Variants in NEDD9 observed in about 807,000 individuals in gnomAD.
NEDD9 encodes the protein neural precursor cell expressed, developmentally down-regulated 9, also known as enhancer of filamentation 1.
NEDD9 carries 26 observed loss-of-function variants against 76.6 expected under a neutral mutation model. The ratio of observed to expected loss-of-function variants is 0.34; its 90% CI spans 0.25 to 0.47. The LOEUF is 0.47. Ranked by LOEUF, NEDD9 falls within the 20% of genes least tolerant of loss-of-function variation. The pLI, the probability that NEDD9 is intolerant of heterozygous loss-of-function variation, is 1.00. For missense variants in NEDD9, 937 were observed against 1,058.5 expected (o/e 0.89, Z 1.59); for synonymous variants, 392 against 414.2 (o/e 0.95, Z 0.65).
At chr6:11,278,854 A>G (rs1277106520) in intron 3 of NEDD9, among the ~76,000 whole-genome samples, 1 of 152,132 alleles carries the variant, frequency 6.6e-6, no homozygotes, top group African/African-American at 2.4e-5. Context: ...CAGGGATTAC[A>G]GATGGACAGG....
In NEDD9 at chr6:11,241,776, C is replaced by T. The variant is rs1413435499; in HGVS notation, c.13-28049G>A. On this transcript the variant is annotated intron_variant, in intron 3 of 3. Coordinates refer to the NEDD9 transcript ENST00000397378. The surrounding 1 kb of genome is among the most constrained non-coding windows in gnomAD (Gnocchi z 4.0). ...CAGCCCTCCAAGAAGGCCTCCCTCC[C>T]GTGCCCCGCTGCCCTCATCAGCTGA... Among the ~76,000 whole-genome samples the T allele has an allele frequency of 3.9e-5, 6 of 152,208 alleles. No homozygotes were observed. Among genetic ancestry groups the T allele is most frequent in the African/African-American group, 7.2e-5 (3 of 41,448 alleles).
At chr6:11,264,222 G>A (rs1760162888) in intron 3 of NEDD9, among the ~76,000 whole-genome samples, 2 of 152,182 alleles carry the variant, frequency 1.3e-5, no homozygotes, top group African/African-American at 2.4e-5. Context: ...GGGCAGTGGC[G>A]AGAGGGGGCC....
chr6:11,255,009 G>A (rs772492486), intron 3 of NEDD9, among the ~76,000 whole-genome samples: 47 of 152,226 alleles, frequency 3.1e-4, no homozygotes, highest in Non-Finnish European at 3.5e-4. Flanking sequence ...GAGCCCCAAA[G>A]GGAAGACTAG....
intron 3 of NEDD9, among the ~76,000 whole-genome samples, chr6:11,249,927 G>T (rs1226473628): frequency 6.6e-6 from 1 of 152,166 alleles, no homozygotes; most frequent in African/African-American, 2.4e-5. Context: ...GGAGATCATG[G>T]TCAAGGGGCC....
chr6:11,275,625 G>A (rs1278917087), intron 3 of NEDD9, among the ~76,000 whole-genome samples: 1 of 151,968 alleles, frequency 6.6e-6, no homozygotes, highest in African/African-American at 2.4e-5. Flanking sequence ...GCTAGTGAAT[G>A]GTCTAGCAAG....
chr6:11,361,474 G>A (rs1242844071), intron 1 of NEDD9, among the ~76,000 whole-genome samples: 1 of 151,994 alleles, frequency 6.6e-6, no homozygotes, highest in South Asian at 2.1e-4. Flanking sequence ...AGGGGCAGGG[G>A]GGAGGTACCA....
At position 11,241,657 on chromosome 6, in the gene NEDD9, C is replaced by A. The variant is rs1471555152; in HGVS notation, c.13-27930G>T. Among the ~76,000 whole-genome samples the A allele has an allele frequency of 6.6e-6, 1 of 152,084 alleles. No individual in the cohort carries two copies. The highest frequency in any genetic ancestry group is 2.4e-5 in the African/African-American group (1 of 41,404). The stretch of plus-strand genomic sequence containing the variant: ...GGGGAGAAGGGAGTGTTTTAAACAC[C>A]AAATGGCCACTAGTAATGCCCAGGG... On this transcript the variant is annotated intron_variant, in intron 3 of 3. Coordinates refer to the NEDD9 transcript ENST00000397378. The surrounding 1 kb of genome is among the most constrained non-coding windows in gnomAD (Gnocchi z 4.0).
At chr6:11,261,574 A>T (rs1430295924) in intron 3 of NEDD9, among the ~76,000 whole-genome samples, 1 of 152,210 alleles carries the variant, frequency 6.6e-6, no homozygotes, top group Non-Finnish European at 1.5e-5. Flanking sequence ...TGGCACAATC[A>T]TTGCTCTCAA....
In NEDD9 at chr6:11,291,715, T is replaced by C. The variant is rs1271379146; in HGVS notation, c.12+14277A>G. On this transcript the variant is annotated intron_variant, in intron 3 of 3. Transcript: ENST00000397378. ...ATAATACTTAACAGATAGGGTTGCA[T>C]AGTTTCAGTGTAACGGTGCCTCTGT... 3.3e-5 allele frequency among the ~76,000 whole-genome samples: 5 copies of C among 152,216 alleles called. No individual in the cohort carries two copies. The East Asian group carries it at 9.6e-4, about 29-fold the overall frequency.
intron 1 of NEDD9, among the ~76,000 whole-genome samples, chr6:11,336,072 T>A (rs1406679251): frequency 6.6e-6 from 1 of 152,196 alleles, no homozygotes; most frequent in Admixed American, 6.5e-5. Flanking sequence ...TTTTCCCTAG[T>A]CACCTCCTCC....
intron 1 of NEDD9, among the ~76,000 whole-genome samples, chr6:11,337,356 T>C (rs1321288505): frequency 6.6e-6 from 1 of 152,186 alleles, no homozygotes; most frequent in Non-Finnish European, 1.5e-5. Context: ...TATACTATAG[T>C]AAAAACAAAC....
At chr6:11,313,255 GTGGA>G (rs1402701223) in intron 2 of NEDD9, among the ~76,000 whole-genome samples, 1 of 152,014 alleles carries the variant, frequency 6.6e-6, no homozygotes, top group African/African-American at 2.4e-5. Flanking sequence ...TAGATGGTGG[GTGGA>G]TGGATGGATG....
intron 1 of NEDD9, among the ~76,000 whole-genome samples, chr6:11,362,039 C>T (rs147028733): frequency 1.3e-5 from 2 of 152,092 alleles, no homozygotes; most frequent in African/African-American, 2.4e-5. Flanking sequence ...CTTGTATCAC[C>T]CCCAAATTTA....
intron 1 of NEDD9, among the ~76,000 whole-genome samples, chr6:11,216,899 CT>C (rs1392981647): frequency 5.3e-5 from 8 of 152,170 alleles, no homozygotes; most frequent in Admixed American, 5.2e-4. Context: ...GAACTGTTAT[CT>C]TAAAGCAGTA....
At chr6:11,270,296 T>G (rs187982029) in intron 3 of NEDD9, among the ~76,000 whole-genome samples, 1 of 152,222 alleles carries the variant, frequency 6.6e-6, no homozygotes, top group East Asian at 1.9e-4. Context: ...AGTGATTAAC[T>G]GTAATTAAAG....
rs753107395 is a variant in NEDD9, at chr6:11,232,525, G to T, written c.-10C>A. 6 of 1,614,098 alleles carry T rather than the reference G, an allele frequency of 3.7e-6. No individual in the cohort carries two copies. Among genetic ancestry groups the T allele is most frequent in the Middle Eastern group, 1.6e-4 (1 of 6,084 alleles). The stretch of plus-strand genomic sequence containing the variant: ...TTACCTTATACTTCATTTCGGCAGC[G>T]GTGGGTTGAGCCGTTTTCCTACACT... On this transcript the variant is annotated 5_prime_UTR_variant, in exon 1 of 7. Transcript: ENST00000379446.
intron 1 of NEDD9, among the ~76,000 whole-genome samples, chr6:11,225,275 A>G (rs1230455349): frequency 6.6e-6 from 1 of 152,230 alleles, no homozygotes; most frequent in East Asian, 1.9e-4. Context: ...CATTTTTAGT[A>G]ACATCATATA....
chr6:11,344,403 T>G (rs115348762), intron 1 of NEDD9, among the ~76,000 whole-genome samples: 4 of 152,282 alleles, frequency 2.6e-5, no homozygotes, highest in Non-Finnish European at 5.9e-5. Context: ...GGACAAAATA[T>G]CAGCAGCATC....
chr6:11,240,889 G>T (rs1249498001), intron 3 of NEDD9, among the ~76,000 whole-genome samples: 2 of 152,192 alleles, frequency 1.3e-5, no homozygotes, highest in Non-Finnish European at 2.9e-5. Context: ...TGTGTCCCCA[G>T]CTAGGTAAAG....
Sources: gnomAD v4.1 joint callset for allele counts (sites outside exome capture counted in the v4.1 genomes callset) on GRCh38, gnomAD v4.1.1 for gene constraint, Gnocchi (gnomAD v3.1) non-coding constraint, MANE v1.5 for transcripts, NCBI Gene and HGNC (gene_info 2026-07-23, HGNC 2026-07-21) for gene names.